The following CNTNAP4 variants were observed in gnomAD, a reference collection of about 807,000 sequenced individuals.
CNTNAP4 encodes the protein contactin-associated protein-like 4.
A neutral mutation model predicts 148.4 loss-of-function variants in CNTNAP4; 98 were observed. The ratio of observed to expected loss-of-function variants is 0.66; its 90% CI spans 0.56 to 0.78. The LOEUF (loss-of-function observed/expected upper bound fraction) is 0.78, where lower values mean the gene tolerates loss of function less well. Ranked by LOEUF, CNTNAP4 falls within the 30% of genes least tolerant of loss-of-function variation. The probability of loss-of-function intolerance (pLI) is 0.00; values close to 1 mark genes in which losing one functional copy is unlikely to be tolerated. For synonymous variants in CNTNAP4, 730 were observed against 565.1 expected (o/e 1.29, Z -4.14); for missense variants, 1,935 against 1,565.6 (o/e 1.24, Z -3.98).
chr16:76,285,551 C>T lies in CNTNAP4; in HGVS notation c.85+7804C>T, dbSNP rs116838784. On this transcript the variant is annotated intron_variant, in intron 1 of 23. Transcript: ENST00000611870. ...AATAAGATATTATGGGCTTCTAAAT[C>T]GTAAAAGACATATTAGTTTCTGTAA... Among the ~76,000 whole-genome samples, 1,132 of 151,954 alleles carry T rather than the reference C, an allele frequency of 7.4e-3. 13 individuals carry two copies. The highest frequency in any genetic ancestry group is 0.026 in the African/African-American group (1,065 of 41,426).
intron 3 of CNTNAP4, among the ~76,000 whole-genome samples, chr16:76,385,488 A>T (rs1187335937): frequency 6.6e-6 from 1 of 152,162 alleles, no homozygotes; most frequent in Non-Finnish European, 1.5e-5. Flanking sequence ...ATTTATATAT[A>T]GCAATGTTTC....
intron 3 of CNTNAP4, 96 bp downstream of exon 3, chr16:76,355,607 A>T (rs949061338): frequency 1.7e-5 from 14 of 841,618 alleles, no homozygotes; most frequent in Admixed American, 3.1e-5. Flanking sequence ...AGACATACAG[A>T]ATCTGCAGAC....
intron 4 of CNTNAP4, among the ~76,000 whole-genome samples, chr16:76,432,914 G>A (rs1276058455): frequency 6.6e-6 from 1 of 152,046 alleles, no homozygotes; most frequent in Non-Finnish European, 1.5e-5. Context: ...TAGCCTTAGG[G>A]TTTCTGCATG....
intron 3 of CNTNAP4, among the ~76,000 whole-genome samples, chr16:76,390,438 C>G (rs568740572): frequency 6.6e-6 from 1 of 152,200 alleles, no homozygotes; most frequent in East Asian, 1.9e-4. Context: ...ACACTTGTCT[C>G]CTCCTAAAAA....
chr16:76,366,684 T>C (rs2014175266), intron 3 of CNTNAP4, among the ~76,000 whole-genome samples: 1 of 152,120 alleles, frequency 6.6e-6, no homozygotes, highest in South Asian at 2.1e-4. Flanking sequence ...GGTTCTTAGC[T>C]CTTTGAGGAA....
chr16:76,432,648 G>A (rs940851149), intron 4 of CNTNAP4: 9 of 152,312 alleles, frequency 5.9e-5, no homozygotes, highest in Admixed American at 1.3e-4. Context: ...ATGGGTGAAA[G>A]TGAATATATC....
chr16:76,481,278 G>A (rs1457026272), intron 12 of CNTNAP4, among the ~76,000 whole-genome samples: 2 of 152,110 alleles, frequency 1.3e-5, no homozygotes, highest in African/African-American at 4.8e-5. Context: ...CAACATGGTA[G>A]CCACTAGCAA....
chr16:76,324,129 A>G lies in CNTNAP4; in HGVS notation c.196+7606A>G, dbSNP rs9922950. On this transcript the variant is annotated intron_variant, in intron 2 of 23. Transcript: ENST00000611870. ...GTACCTTAAGGCAGATTATCCTTCT[A>G]AGTTTTCCTCAAACAAGATGACACA... Among the ~76,000 whole-genome samples, 1,479 of 152,232 alleles carry G rather than the reference A, an allele frequency of 9.7e-3. 23 individuals carry two copies. The highest frequency in any genetic ancestry group is 0.034 in the African/African-American group (1,393 of 41,532).
chr16:76,299,832 C>A (rs765396162), intron 1 of CNTNAP4, among the ~76,000 whole-genome samples: 1 of 152,126 alleles, frequency 6.6e-6, no homozygotes. Context: ...ATGATAAGTT[C>A]ATGTCCTTTG....
rs762367864 is a variant in CNTNAP4, at chr16:76,521,246, A to G, written c.2472A>G (p.Thr824=). 1.2e-6 allele frequency: 2 copies of G among 1,612,856 alleles called. No homozygotes were observed. The highest frequency in any genetic ancestry group is 1.1e-5 in the South Asian group (1 of 90,918). The part of the protein sequence containing the change: ...SADVSFFFKT[T]ASSGVFLENL... The stretch of plus-strand genomic sequence containing the variant: ...ATGTATCTTTCTTTTTTAAGACAAC[A>G]GCTTCATCTGGGGTATTTTTAGAGA... The change falls in exon 16 of 24, where the codon ACA becomes ACG. Residue 824 remains threonine (T), a synonymous_variant. Coordinates refer to ENST00000611870, the MANE Select transcript of CNTNAP4 (RefSeq NM_033401.5).
Position 76,530,670 on chromosome 16 carries a change from T to G in CNTNAP4, c.2756-4875T>G, listed in dbSNP as rs141799605. ...TCAGGGAAAAGTGACTGAATTTTCT[T>G]CCCATGACACTGTCACTTGCAACAG... On this transcript the variant is annotated intron_variant, in intron 17 of 23. Coordinates refer to ENST00000611870, the MANE Select transcript of CNTNAP4 (RefSeq NM_033401.5). 4.7e-3 allele frequency among the ~76,000 whole-genome samples: 711 copies of G among 152,296 alleles called. 4 individuals carry two copies. The highest frequency in any genetic ancestry group is 0.017 in the African/African-American group (691 of 41,566).
intron 1 of CNTNAP4, among the ~76,000 whole-genome samples, chr16:76,305,464 T>C (rs1324787977): frequency 6.6e-6 from 1 of 152,182 alleles, no homozygotes; most frequent in Non-Finnish European, 1.5e-5. Flanking sequence ...TTTTTCTAAG[T>C]TGAGTGCTAC....
intron 15 of CNTNAP4, among the ~76,000 whole-genome samples, chr16:76,513,103 T>C (rs935894308): frequency 1.3e-5 from 2 of 152,106 alleles, no homozygotes; most frequent in African/African-American, 2.4e-5. Flanking sequence ...ATTAATAGCA[T>C]GTCTGTGTTA....
intron 3 of CNTNAP4, among the ~76,000 whole-genome samples, chr16:76,372,326 T>C (rs2014932457): frequency 1.3e-5 from 2 of 151,274 alleles, no homozygotes; most frequent in South Asian, 4.2e-4. Context: ...TTTTTTGTAT[T>C]TTTAGTAGAG....
rs905683627 is a variant in CNTNAP4, at chr16:76,519,511, C to T, written c.2366-1629C>T. ...AGACAAAATAAGATTTAATAACATT[C>T]CATAATGTGAAGCTTATTTTTATGT... On this transcript the variant is annotated intron_variant, in intron 15 of 23. Coordinates refer to ENST00000611870, the MANE Select transcript of CNTNAP4 (RefSeq NM_033401.5). 3.9e-5 allele frequency among the ~76,000 whole-genome samples: 6 copies of T among 152,114 alleles called. No homozygotes were observed. The East Asian group carries it at 1.2e-3, about 29-fold the overall frequency.
chr16:76,343,100 A>AT (rs534886341), intron 2 of CNTNAP4, among the ~76,000 whole-genome samples: 2,007 of 132,368 alleles, frequency 0.015, 25 homozygotes, highest in African/African-American at 0.036. Context: ...AGCATAACCT[A>AT]TTTTTTTTTT....
intron 3 of CNTNAP4, among the ~76,000 whole-genome samples, chr16:76,380,727 G>A (rs931809204): frequency 6.6e-6 from 1 of 152,066 alleles, no homozygotes; most frequent in Non-Finnish European, 1.5e-5. Flanking sequence ...GACGGTGCTT[G>A]GAACAGAACA....
At chr16:76,508,897 C>G (rs2082919794) in intron 15 of CNTNAP4, among the ~76,000 whole-genome samples, 1 of 93,798 alleles carries the variant, frequency 1.1e-5, no homozygotes, top group African/African-American at 2.6e-5. Flanking sequence ...GGACTACAGG[C>G]AACCACCACC....
At chr16:76,389,413 C>A (rs553096031) in intron 3 of CNTNAP4, among the ~76,000 whole-genome samples, 1 of 152,070 alleles carries the variant, frequency 6.6e-6, no homozygotes, top group Non-Finnish European at 1.5e-5. Flanking sequence ...TTCCACTCAG[C>A]GCTTTGACAG....
Sources: allele counts gnomAD v4.1 joint callset (sites outside exome capture counted in the v4.1 genomes callset), GRCh38; gene constraint gnomAD v4.1.1; transcripts MANE v1.5; gene names NCBI Gene and HGNC (gene_info 2026-07-23, HGNC 2026-07-21).